The following CDK14 variants were observed in gnomAD, a reference collection of about 807,000 sequenced individuals.
CDK14 encodes cyclin dependent kinase 14.
Under a neutral mutation model 60.7 loss-of-function variants are expected in CDK14, and 34 were observed. That is an observed-to-expected ratio of 0.56 (90% confidence interval 0.43 to 0.75). CDK14 has a LOEUF of 0.75. CDK14 is among the 30% of genes least tolerant of loss of function. The pLI is 0.00. For missense variants in CDK14, 482 were observed against 564.1 expected, an observed-to-expected ratio of 0.85 and a Z score of 1.47; for synonymous variants, 197 against 203.7, an observed-to-expected ratio of 0.97 and a Z score of 0.28.
intron 12 of CDK14, among the ~76,000 whole-genome samples, chr7:91,099,767 TG>T (rs1799102424): frequency 6.6e-6 from 1 of 152,114 alleles, no homozygotes; most frequent in South Asian, 2.1e-4. Flanking sequence ...AGGGTGGGTT[TG>T]TGTGGTTATG....
intron 12 of CDK14, among the ~76,000 whole-genome samples, chr7:91,082,327 T>C (rs970055044): frequency 1.3e-5 from 2 of 152,154 alleles, no homozygotes; most frequent in African/African-American, 4.8e-5. Context: ...GATAAACCAC[T>C]AAGTCACAGA....
At chr7:91,127,130 G>A (rs530519117) in intron 14 of CDK14, among the ~76,000 whole-genome samples, 3 of 152,262 alleles carry the variant, frequency 2.0e-5, no homozygotes, top group African/African-American at 7.2e-5. Flanking sequence ...TAGGGAAAAT[G>A]ATTGTGAAGT....
intron 6 of CDK14, among the ~76,000 whole-genome samples, chr7:90,876,048 T>C (rs1791548195): frequency 6.6e-6 from 1 of 152,210 alleles, no homozygotes; most frequent in Admixed American, 6.5e-5. Flanking sequence ...TAGTTTGTTT[T>C]GGGCTCTCTC....
intron 9 of CDK14, among the ~76,000 whole-genome samples, chr7:90,956,744 C>G (rs1794427895): frequency 6.6e-6 from 1 of 151,582 alleles, no homozygotes; most frequent in South Asian, 2.1e-4. Context: ...AGGTATATCT[C>G]CCAATGCTGT....
At chr7:90,954,061 G>A (rs970470194) in intron 8 of CDK14, among the ~76,000 whole-genome samples, 1 of 152,152 alleles carries the variant, frequency 6.6e-6, no homozygotes, top group Non-Finnish European at 1.5e-5. Flanking sequence ...GTATGTCTGT[G>A]TGGTATAATC....
chr7:91,014,912 G>A (rs991996487), intron 10 of CDK14, among the ~76,000 whole-genome samples: 1 of 152,156 alleles, frequency 6.6e-6, no homozygotes, highest in Non-Finnish European at 1.5e-5. Flanking sequence ...CAAAGTCTAT[G>A]ATTAGTTCCT....
intron 10 of CDK14, among the ~76,000 whole-genome samples, chr7:90,994,302 G>T (rs1446716137): frequency 6.6e-6 from 1 of 152,172 alleles, no homozygotes; most frequent in Non-Finnish European, 1.5e-5. Context: ...TGCCATGTGG[G>T]CTGGTTTGGA....
At chr7:90,753,516 C>A (rs902128037) in intron 4 of CDK14, among the ~76,000 whole-genome samples, 1 of 152,100 alleles carries the variant, frequency 6.6e-6, no homozygotes, top group Non-Finnish European at 1.5e-5. Context: ...TATGACAAAC[C>A]CACAGCTAAC....
intron 8 of CDK14, among the ~76,000 whole-genome samples, chr7:90,919,797 C>T (rs1178351717): frequency 6.6e-6 from 1 of 152,154 alleles, no homozygotes; most frequent in African/African-American, 2.4e-5. Flanking sequence ...CATTTTAGCT[C>T]TTTCTAATTT....
intron 2 of CDK14, among the ~76,000 whole-genome samples, chr7:90,612,417 A>G (rs1309133354): frequency 6.6e-6 from 1 of 152,104 alleles, no homozygotes; most frequent in East Asian, 1.9e-4. Flanking sequence ...TGGGTTGACC[A>G]TCTCTCAGCA....
chr7:90,727,749 G>C (rs1802694671), intron 3 of CDK14, among the ~76,000 whole-genome samples: 2 of 152,050 alleles, frequency 1.3e-5, no homozygotes, highest in Non-Finnish European at 2.9e-5. Context: ...TAATCTATCA[G>C]TTTTTCTCCC....
intron 7 of CDK14, among the ~76,000 whole-genome samples, chr7:90,906,409 A>G (rs187817309): frequency 6.6e-5 from 10 of 152,234 alleles, no homozygotes; most frequent in Admixed American, 6.5e-4. Flanking sequence ...CAGAAGCTCT[A>G]TGTTTGCTAA....
chr7:90,922,592 T>C (rs1793285448), intron 8 of CDK14, among the ~76,000 whole-genome samples: 3 of 152,196 alleles, frequency 2.0e-5, no homozygotes, highest in Admixed American at 6.5e-5. Flanking sequence ...TTTAAAGATA[T>C]AGTAACTCTT....
At chr7:90,643,391 A>G (rs1800386571) in intron 2 of CDK14, among the ~76,000 whole-genome samples, 1 of 152,180 alleles carries the variant, frequency 6.6e-6, no homozygotes, top group African/African-American at 2.4e-5. Flanking sequence ...CTTTTAAGAC[A>G]AATATTTCCT....
At chr7:90,913,329 C>G (rs1158553762) in intron 7 of CDK14, among the ~76,000 whole-genome samples, 1 of 152,182 alleles carries the variant, frequency 6.6e-6, no homozygotes, top group Non-Finnish European at 1.5e-5. Context: ...CTTCCCACCC[C>G]TATCTGCCAG....
At chr7:91,100,572 A>G (rs1799123251) in intron 12 of CDK14, among the ~76,000 whole-genome samples, 2 of 152,230 alleles carry the variant, frequency 1.3e-5, no homozygotes, top group South Asian at 4.1e-4. Flanking sequence ...TGAAAGGTAA[A>G]TATGAAAATA....
At chr7:90,808,504 G>A (rs926799130) in intron 5 of CDK14, among the ~76,000 whole-genome samples, 1 of 152,152 alleles carries the variant, frequency 6.6e-6, no homozygotes, top group Non-Finnish European at 1.5e-5. Context: ...AACAGCCACT[G>A]CAAAAACATG....
chr7:90,788,761 A>C (rs910112250), intron 4 of CDK14, among the ~76,000 whole-genome samples: 3 of 152,138 alleles, frequency 2.0e-5, no homozygotes, highest in Non-Finnish European at 4.4e-5. Context: ...AGAGACATTC[A>C]AATTCTTTCA....
At position 90,861,937 on chromosome 7, in the gene CDK14, T is replaced by C. The variant is rs1791023764; in HGVS notation, c.545-1238T>C. ...AATAAGTCAACTGTAAAATTAAAAC[T>C]GTGCATAACACTGAAATATGAATTG... is the stretch of plus-strand genomic sequence containing the variant. On this transcript the variant is annotated intron_variant, in intron 5 of 14. Coordinates refer to ENST00000380050, the MANE Select transcript of CDK14 (RefSeq NM_001287135.2). Among the ~76,000 whole-genome samples, 3 of 152,220 alleles carry C rather than the reference T, an allele frequency of 2.0e-5. No individual in the cohort carries two copies. In the South Asian group the frequency reaches 6.2e-4, roughly 32 times the overall value.
Sources: allele counts gnomAD v4.1 joint callset (sites outside exome capture counted in the v4.1 genomes callset), GRCh38; gene constraint gnomAD v4.1.1; transcripts MANE v1.5; gene names NCBI Gene and HGNC (gene_info 2026-07-23, HGNC 2026-07-21).